Variants in MAPK9 observed in about 807,000 individuals in gnomAD.
MAPK9 encodes the protein Jun kinase.
In MAPK9, 30 loss-of-function variants were observed where a neutral mutation model predicts 57.1. The observed-to-expected ratio is 0.53, with a 90% confidence interval of 0.39 to 0.71. The LOEUF is 0.71. MAPK9 is among the 30% of genes least tolerant of loss of function. The probability of loss-of-function intolerance (pLI) is 0.00; values close to 1 mark genes in which losing one functional copy is unlikely to be tolerated. For synonymous variants in MAPK9, 155 were observed against 177.0 expected, an observed-to-expected ratio of 0.88 and a Z score of 0.99; for missense variants, 362 against 521.0, an observed-to-expected ratio of 0.69 and a Z score of 2.97.
At chr5:180,259,280 G>A (rs564111260) in intron 5 of MAPK9, among the ~76,000 whole-genome samples, 13 of 151,786 alleles carry the variant, frequency 8.6e-5, no homozygotes, top group Admixed American at 3.3e-4. Flanking sequence ...ACACTGGAGA[G>A]GAACCCTTTG....
chr5:180,273,786 A>G (rs1234737852), intron 2 of MAPK9, among the ~76,000 whole-genome samples: 1 of 152,176 alleles, frequency 6.6e-6, no homozygotes, highest in Non-Finnish European at 1.5e-5. Context: ...CATAAGTCAG[A>G]AGCCCACACA....
At chr5:180,243,782 T>G (rs184634936) in intron 7 of MAPK9, among the ~76,000 whole-genome samples, 3 of 152,230 alleles carry the variant, frequency 2.0e-5, no homozygotes, top group Non-Finnish European at 2.9e-5. Context: ...ATCAGAATTA[T>G]GCCCACATTT....
rs1429610748 is a variant in MAPK9, at chr5:180,233,325, A to G, written c.*3059T>C. 2 of 152,246 alleles carry G rather than the reference A, an allele frequency of 1.3e-5. No homozygotes were observed. Among genetic ancestry groups the G allele is most frequent in the African/African-American group, 2.4e-5 (1 of 41,464 alleles). The allele number at this position is 152,246 out of a possible 1,614,324, so 9.4% of individuals were successfully genotyped here. ...GCCTCATGAGAAAACAATTACACCA[A>G]TACTCTGAATTGGACCTGCATATTG... On this transcript the variant is annotated 3_prime_UTR_variant, in exon 12 of 12. Transcript: ENST00000452135.
chr5:180,240,978 A>G (rs1287620929), intron 9 of MAPK9, 53 bp downstream of exon 9: 1 of 1,562,104 alleles, frequency 6.4e-7, no homozygotes. Context: ...ACAAGATCCA[A>G]GGAAATATAA....
chr5:180,266,897 A>G (rs1760619632), intron 3 of MAPK9, among the ~76,000 whole-genome samples: 1 of 152,240 alleles, frequency 6.6e-6, no homozygotes, highest in South Asian at 2.1e-4. Flanking sequence ...TTCAGGCGTT[A>G]GAATGTTCAT....
chr5:180,269,522 G>A (rs1308872396), intron 2 of MAPK9, 113 bp from the exon 3 acceptor site: 1 of 1,036,850 alleles, frequency 9.6e-7, no homozygotes, highest in African/African-American at 1.6e-5. Flanking sequence ...GGAAAAATCT[G>A]CTTATTTCAT....
chr5:180,262,086 C>A (rs1760027279), intron 4 of MAPK9, among the ~76,000 whole-genome samples: 1 of 152,028 alleles, frequency 6.6e-6, no homozygotes. Context: ...CTACTTCTTA[C>A]ATTTTTGGCT....
At position 180,234,144 on chromosome 5, in the gene MAPK9, T is replaced by A. The variant is rs1405494020; in HGVS notation, c.*2240A>T. ...ATTACCTGGTTTATAAAAATACATG[T>A]CCAAAATAGTTACTTCCTGGGTTGT... On this transcript the variant is annotated 3_prime_UTR_variant, in exon 12 of 12. Coordinates refer to ENST00000452135, the MANE Select transcript of MAPK9 (RefSeq NM_002752.5). 1 of 152,212 alleles carries A rather than the reference T, an allele frequency of 6.6e-6. No homozygotes were observed. Among genetic ancestry groups the A allele is most frequent in the East Asian group, 1.9e-4 (1 of 5,198 alleles). 9.4% of individuals were successfully genotyped at this position (152,212 alleles called of 1,614,324 possible). A position where few individuals can be genotyped will look rare whatever the true frequency, so the allele number is the denominator to read the frequency against.
At chr5:180,271,436 A>C (rs919768205) in intron 2 of MAPK9, among the ~76,000 whole-genome samples, 4 of 152,152 alleles carry the variant, frequency 2.6e-5, no homozygotes, top group African/African-American at 9.7e-5. Flanking sequence ...CCAATCGCCA[A>C]CACCTCCTAT....
At chr5:180,284,423 A>C (rs535749694) in intron 1 of MAPK9, among the ~76,000 whole-genome samples, 59 of 152,332 alleles carry the variant, frequency 3.9e-4, no homozygotes, top group Non-Finnish European at 2.6e-4. Context: ...GGCTATGAGC[A>C]ACTCAAAACT....
At position 180,247,326 on chromosome 5, in the gene MAPK9, A is replaced by C. The variant is rs184555795; in HGVS notation, c.688+113T>G. 90 of 1,156,852 alleles carry C rather than the reference A, an allele frequency of 7.8e-5. 1 individual carries two copies. In the East Asian group the frequency reaches 1.1e-3, roughly 14 times the overall value. The allele number at this position is 1,156,852 out of a possible 1,614,324, so 71.7% of individuals were successfully genotyped here. A position where few individuals can be genotyped will look rare whatever the true frequency, so the allele number is the denominator to read the frequency against. On this transcript the variant is annotated intron_variant, in intron 7 of 11. Coordinates refer to ENST00000452135, the MANE Select transcript of MAPK9 (RefSeq NM_002752.5). This position sits in a 1 kb window ranked among gnomAD's most constrained non-coding sequence, Gnocchi z 4.5. ...TACAGTAAAGCCCCCCTTAGAACAC[A>C]GTCTGGAGTGGATTTTACGACTTTG...
chr5:180,291,300 G>C (rs1014204391), intron 1 of MAPK9, among the ~76,000 whole-genome samples: 1 of 151,478 alleles, frequency 6.6e-6, no homozygotes, highest in African/African-American at 2.4e-5. Context: ...GGAGTGCGCG[G>C]GGAGGCGGGA....
intron 4 of MAPK9, 143 bp from the exon 5 acceptor site, chr5:180,261,965 T>A: frequency 8.3e-6 from 5 of 605,272 alleles, no homozygotes; most frequent in East Asian, 3.0e-5. Context: ...TTTCTAAAAA[T>A]TTTCCAAAGA....
intron 2 of MAPK9, among the ~76,000 whole-genome samples, chr5:180,275,642 T>C (rs1761741619): frequency 6.6e-6 from 1 of 152,210 alleles, no homozygotes; most frequent in African/African-American, 2.4e-5. Context: ...ACTAACTTAC[T>C]AGCTCTCTAG....
chr5:180,270,643 G>A (rs1369412693), intron 2 of MAPK9, among the ~76,000 whole-genome samples: 3 of 152,134 alleles, frequency 2.0e-5, no homozygotes, highest in Non-Finnish European at 2.9e-5. Context: ...TTGAGCCCAG[G>A]AGTTTGAGAC....
intron 3 of MAPK9, among the ~76,000 whole-genome samples, chr5:180,266,027 A>G (rs532008448): frequency 2.6e-5 from 4 of 152,116 alleles, no homozygotes; most frequent in South Asian, 4.1e-4. Context: ...GTGATAAAAA[A>G]TCAGTATGTC....
intron 5 of MAPK9, among the ~76,000 whole-genome samples, chr5:180,251,395 G>A (rs914943923): frequency 1.3e-5 from 2 of 152,166 alleles, no homozygotes; most frequent in South Asian, 2.1e-4. Flanking sequence ...ACCCCAGTGC[G>A]CCAGAAACAC....
intron 3 of MAPK9, among the ~76,000 whole-genome samples, chr5:180,266,642 G>A (rs1256998908): frequency 1.3e-5 from 2 of 151,524 alleles, no homozygotes; most frequent in African/African-American, 4.9e-5. Flanking sequence ...TTTAGGAGAT[G>A]GGGTCTTGTT....
Position 180,233,880 on chromosome 5 carries a change from C to T in MAPK9, c.*2504G>A, listed in dbSNP as rs1342082448. 6.6e-6 allele frequency: 1 copy of T among 152,234 alleles called. No homozygotes were observed. Among genetic ancestry groups the T allele is most frequent in the Non-Finnish European group, 1.5e-5 (1 of 68,068 alleles). The allele number at this position is 152,234 out of a possible 1,614,324, so 9.4% of individuals were successfully genotyped here. On this transcript the variant is annotated 3_prime_UTR_variant, in exon 12 of 12. Transcript: ENST00000452135. ...GCAAGGGGCCCTGTAAGAGGGCTTC[C>T]TCCTCTCAGTACTGGGGCTCTGCGT...
Sources: allele counts gnomAD v4.1 joint callset (sites outside exome capture counted in the v4.1 genomes callset), GRCh38; gene constraint gnomAD v4.1.1; non-coding constraint Gnocchi (gnomAD v3.1); transcripts MANE v1.5; gene names NCBI Gene and HGNC (gene_info 2026-07-23, HGNC 2026-07-21).